Variants in PDE11A observed in about 807,000 individuals in gnomAD.
PDE11A encodes the protein phosphodiesterase 11A, also known as dual 3',5'-cyclic-AMP and -GMP phosphodiesterase 11A.
A neutral mutation model predicts 100.5 loss-of-function variants in PDE11A; 100 were observed. The ratio of observed to expected loss-of-function variants is 1.00; its 90% confidence interval spans 0.85 to 1.18. The LOEUF is 1.18. Among genes scored for constraint, PDE11A ranks in the 50% most tolerant of loss-of-function variants. The probability of loss-of-function intolerance (pLI) is 0.00; values close to 1 mark genes in which losing one functional copy is unlikely to be tolerated. For missense variants in PDE11A, 1,141 were observed against 1,152.6 expected (o/e 0.99, Z 0.15); for synonymous variants, 381 against 420.8 (o/e 0.91, Z 1.16).
At chr2:177,728,306 A>T (rs1341266506) in intron 10 of PDE11A, 134 bp from the exon 11 acceptor site, 1 of 570,028 alleles carries the variant, frequency 1.8e-6, no homozygotes, top group Non-Finnish European at 3.2e-6. Context: ...ATACAGCTAA[A>T]CTCTGAGCTG....
At chr2:178,062,083 T>C (rs1409110086) in intron 1 of PDE11A, among the ~76,000 whole-genome samples, 1 of 152,212 alleles carries the variant, frequency 6.6e-6, no homozygotes, top group Non-Finnish European at 1.5e-5. Context: ...GTTCCTCTTG[T>C]TCATTCATTT....
Position 177,745,133 on chromosome 2 carries a change from T to G in PDE11A, c.1789-16961A>C, listed in dbSNP as rs1228521038. On this transcript the variant is annotated intron_variant, in intron 10 of 19. Transcript: ENST00000286063. ...TGTAATAAAGGATATTCATTCCTTT[T>G]CACAAATACCTTTCCTTCTTATCCC... is the stretch of plus-strand genomic sequence containing the variant. Among the ~76,000 whole-genome samples, 7 of 152,200 alleles carry G rather than the reference T, an allele frequency of 4.6e-5. No individual in the cohort carries two copies. The East Asian group carries it at 1.3e-3, about 29-fold the overall frequency.
At chr2:177,846,087 G>C (rs568228260) in intron 5 of PDE11A, among the ~76,000 whole-genome samples, 34 of 152,092 alleles carry the variant, frequency 2.2e-4, no homozygotes, top group South Asian at 4.2e-4. Flanking sequence ...AATTCCTAAT[G>C]GTCTACTATA....
At chr2:177,713,005 T>C (rs1343739037) in intron 12 of PDE11A, among the ~76,000 whole-genome samples, 3 of 149,850 alleles carry the variant, frequency 2.0e-5, no homozygotes, top group African/African-American at 7.3e-5. Flanking sequence ...GGTTTCTGTG[T>C]TGACAATTTT....
At chr2:177,763,660 C>T (rs1250420153) in intron 10 of PDE11A, among the ~76,000 whole-genome samples, 2 of 152,134 alleles carry the variant, frequency 1.3e-5, no homozygotes, top group Non-Finnish European at 2.9e-5. Flanking sequence ...CTCAGGTCTA[C>T]CCCTCTTCCT....
intron 10 of PDE11A, among the ~76,000 whole-genome samples, chr2:177,749,780 T>C (rs2082002801): frequency 6.6e-6 from 1 of 152,230 alleles, no homozygotes; most frequent in Non-Finnish European, 1.5e-5. Flanking sequence ...GCCCTTGGCA[T>C]GGAGTATGGT....
At chr2:177,945,899 C>T (rs1252521122) in intron 2 of PDE11A, among the ~76,000 whole-genome samples, 1 of 139,872 alleles carries the variant, frequency 7.1e-6, no homozygotes, top group Non-Finnish European at 1.6e-5. Context: ...CCCTGCCCGG[C>T]CAGCCGCCCC....
At chr2:177,954,526 C>G (rs2085538555) in intron 2 of PDE11A, among the ~76,000 whole-genome samples, 1 of 152,132 alleles carries the variant, frequency 6.6e-6, no homozygotes, top group African/African-American at 2.4e-5. Context: ...CTTTGTACAT[C>G]AGCCTCCATT....
chr2:177,662,050 A>T (rs927511379), intron 19 of PDE11A, among the ~76,000 whole-genome samples: 1 of 152,202 alleles, frequency 6.6e-6, no homozygotes, highest in Admixed American at 6.5e-5. Flanking sequence ...AATCAGGACG[A>T]TATATAATGT....
intron 10 of PDE11A, among the ~76,000 whole-genome samples, chr2:177,730,807 C>T (rs1416763666): frequency 1.3e-5 from 2 of 152,022 alleles, no homozygotes; most frequent in Admixed American, 6.6e-5. Flanking sequence ...TTAGTCTCTC[C>T]TTTTTTATTG....
intron 10 of PDE11A, among the ~76,000 whole-genome samples, chr2:177,742,091 A>G (rs1043593170): frequency 6.6e-6 from 1 of 152,072 alleles, no homozygotes; most frequent in African/African-American, 2.4e-5. Flanking sequence ...GTCAAATGCA[A>G]TTATCAGGCT....
intron 10 of PDE11A, among the ~76,000 whole-genome samples, chr2:177,759,541 C>G (rs903832227): frequency 6.6e-5 from 10 of 152,158 alleles, no homozygotes; most frequent in African/African-American, 2.2e-4. Context: ...AGGTACTTGG[C>G]AGGCCTGGAG....
At chr2:177,891,789 G>A (rs2084533576) in intron 4 of PDE11A, among the ~76,000 whole-genome samples, 1 of 152,162 alleles carries the variant, frequency 6.6e-6, no homozygotes, top group Non-Finnish European at 1.5e-5. Flanking sequence ...GTCTATGACT[G>A]CTTTTGTGTT....
intron 2 of PDE11A, among the ~76,000 whole-genome samples, chr2:177,967,414 T>C (rs1373229737): frequency 6.6e-6 from 1 of 151,968 alleles, no homozygotes; most frequent in Non-Finnish European, 1.5e-5. Flanking sequence ...TCCAGGCTGG[T>C]CTTGAACTCC....
At chr2:177,994,180 C>T (rs2086040768) in intron 2 of PDE11A, among the ~76,000 whole-genome samples, 1 of 152,094 alleles carries the variant, frequency 6.6e-6, no homozygotes, top group African/African-American at 2.4e-5. Context: ...ATCCATCCGC[C>T]TCTGCCTCCC....
At chr2:177,764,369 C>T (rs2082211570) in intron 10 of PDE11A, among the ~76,000 whole-genome samples, 1 of 152,130 alleles carries the variant, frequency 6.6e-6, no homozygotes, top group African/African-American at 2.4e-5. Flanking sequence ...GCAGCCGTAA[C>T]CCATGCAGTG....
intron 5 of PDE11A, among the ~76,000 whole-genome samples, chr2:177,867,803 A>G (rs922333927): frequency 3.9e-5 from 6 of 152,208 alleles, no homozygotes; most frequent in African/African-American, 1.2e-4. Flanking sequence ...ATCCTCACTC[A>G]TCATACTTCG....
rs1553527621 is a variant in PDE11A, at chr2:177,626,044, T to C, written c.*3363A>G. ...ATGGTTGACATTGTCAGGGCTCCAC[T>C]GTATGGCAGATTGCAATGGTGTTGA... On this transcript the variant is annotated 3_prime_UTR_variant, in exon 20 of 20. Transcript: ENST00000286063. The C allele has an allele frequency of 6.6e-6, 1 of 152,608 alleles. No individual in the cohort carries two copies. Among genetic ancestry groups the C allele is most frequent in the East Asian group, 1.9e-4 (1 of 5,184 alleles). 9.5% of individuals were successfully genotyped at this position (152,608 alleles called of 1,614,324 possible). A position where few individuals can be genotyped will look rare whatever the true frequency, so the allele number is the denominator to read the frequency against.
chr2:177,849,246 G>T (rs1343838265), intron 5 of PDE11A, among the ~76,000 whole-genome samples: 3 of 152,156 alleles, frequency 2.0e-5, no homozygotes, highest in South Asian at 2.1e-4. Flanking sequence ...AGCCAAAGGG[G>T]TATACTCTCA....
Sources: allele counts gnomAD v4.1 joint callset (sites outside exome capture counted in the v4.1 genomes callset), GRCh38; gene constraint gnomAD v4.1.1; transcripts MANE v1.5; gene names NCBI Gene and HGNC (gene_info 2026-07-23, HGNC 2026-07-21).